Variants in VPS33A observed in about 807,000 individuals in gnomAD.
VPS33A encodes VPS33A core subunit of CORVET and HOPS complexes, also known as vacuolar protein sorting-associated protein 33A.
A neutral mutation model predicts 71.8 loss-of-function variants in VPS33A; 32 were observed. The observed-to-expected ratio is 0.45, with a 90% CI of 0.34 to 0.60. VPS33A has a LOEUF of 0.60. Ranked by LOEUF, VPS33A falls within the 20% of genes least tolerant of loss-of-function variation. The probability of loss-of-function intolerance (pLI) is 0.02; values close to 1 mark genes in which losing one functional copy is unlikely to be tolerated. For missense variants in VPS33A, 625 were observed against 748.5 expected, an observed-to-expected ratio of 0.84 and a Z score of 1.92; for synonymous variants, 311 against 292.7, an observed-to-expected ratio of 1.06 and a Z score of -0.64.
rs146941275 is a variant in VPS33A, at chr12:122,259,143, C to T, written c.483+2118G>A. On this transcript the variant is annotated intron_variant, in intron 4 of 12. Transcript: ENST00000267199. The stretch of plus-strand genomic sequence containing the variant: ...AATGTTAAATGCAGAGTTACCACAA[C>T]TCAGCAATTCTACTCCTAGGGGTGT... Among the ~76,000 whole-genome samples the T allele has an allele frequency of 6.6e-4, 100 of 151,892 alleles. 1 individual carries two copies. Among genetic ancestry groups the T allele is most frequent in the African/African-American group, 2.3e-3 (97 of 41,350 alleles).
Position 122,259,964 on chromosome 12 carries a change from G to A in VPS33A, c.483+1297C>T, listed in dbSNP as rs186254411. Among the ~76,000 whole-genome samples the A allele has an allele frequency of 3.3e-5, 5 of 152,172 alleles. No individual in the cohort carries two copies. The South Asian group carries it at 6.2e-4, about 19-fold the overall frequency. The stretch of plus-strand genomic sequence containing the variant: ...AGGCTGAGGCTGAAAATTCGTTCAA[G>A]CCTAGGAGGTCAAGGCTGCAGTGAG... On this transcript the variant is annotated intron_variant, in intron 4 of 12. Transcript: ENST00000267199.
At chr12:122,237,102 TTAAC>T (rs1185430134) in intron 10 of VPS33A, among the ~76,000 whole-genome samples, 1 of 152,234 alleles carries the variant, frequency 6.6e-6, no homozygotes, top group Non-Finnish European at 1.5e-5. Flanking sequence ...AAAAATGTAC[TTAAC>T]TGTCACTGGT....
In VPS33A at chr12:122,238,684, G is replaced by A. The variant is rs377687330; in HGVS notation, c.1205C>T (p.Ser402Leu). Residue 402 changes from serine (S) to leucine (L), a missense_variant, in exon 10 of 13, where the codon TCG (serine) becomes TTG (leucine). By Grantham distance (145) the Ser-to-Leu change is moderately radical. Transcript: ENST00000267199. ...YIEDCIAQKH[S>L]LIKVLRLVCL... The stretch of plus-strand genomic sequence containing the variant: ...AACTAGTCTTAACACCTTGATCAAC[G>A]AGTGCTTTTGGGCGATACAATCCTC... 60 of 1,613,482 alleles carry A rather than the reference G, an allele frequency of 3.7e-5. No individual in the cohort carries two copies. The highest frequency in any genetic ancestry group is 1.2e-4 in the Admixed American group (7 of 59,872).
Position 122,232,152 on chromosome 12 carries a change from CAT to C in VPS33A, c.*92_*93del, listed in dbSNP as rs768080946. On this transcript the variant is annotated 3_prime_UTR_variant, in exon 13 of 13. Coordinates refer to ENST00000267199, the MANE Select transcript of VPS33A (RefSeq NM_022916.6). ...GACCCCAGAATATATTCTGTATTCC[CAT>C]GTTTCTTCTATGGGGTTTTACTTCC... 119 of 1,198,340 alleles carry C rather than the reference CAT, an allele frequency of 9.9e-5. No homozygotes were observed. Among genetic ancestry groups the C allele is most frequent in the Non-Finnish European group, 1.3e-4 (115 of 854,372 alleles). The allele number at this position is 1,198,340 out of a possible 1,614,324, so 74.2% of individuals were successfully genotyped here. A position where few individuals can be genotyped will look rare whatever the true frequency, so the allele number is the denominator to read the frequency against.
intron 11 of VPS33A, among the ~76,000 whole-genome samples, chr12:122,233,446 G>T (rs909484739): frequency 1.3e-5 from 2 of 152,088 alleles, no homozygotes; most frequent in Non-Finnish European, 2.9e-5. Context: ...GGCTGGTCTT[G>T]AATTTCTGAC....
chr12:122,246,749 G>A (rs949507895), intron 6 of VPS33A, among the ~76,000 whole-genome samples: 3 of 151,776 alleles, frequency 2.0e-5, no homozygotes, highest in Non-Finnish European at 2.9e-5. Context: ...ATAGCCACCC[G>A]CCACCATACC....
At chr12:122,255,054 GAAAAAAAA>G (rs35670853) in intron 4 of VPS33A, among the ~76,000 whole-genome samples, 1 of 129,816 alleles carries the variant, frequency 7.7e-6, no homozygotes, top group Non-Finnish European at 1.7e-5. Context: ...CAGTTTCAAG[GAAAAAAAA>G]AAAAAAAAGA....
intron 11 of VPS33A, among the ~76,000 whole-genome samples, chr12:122,234,184 A>T (rs2136121526): frequency 6.6e-6 from 1 of 152,370 alleles, no homozygotes; most frequent in East Asian, 1.9e-4. Flanking sequence ...AGGATAGATA[A>T]AAAACTGGCC....
In VPS33A at chr12:122,244,673, G is replaced by A. The variant is rs1954754428; in HGVS notation, c.865C>T (p.Leu289=). The part of the protein sequence containing the change: ...DLPTEAKKLQ[L]NSAEELYAEI... ...GCATAGAGCTCCTCTGCAGAATTCA[G>A]CTGCAGCTTCTTTGCTTCCGTGGGG... The change falls in exon 7 of 13, where the codon CTG becomes TTG. Residue 289 remains leucine, a synonymous_variant. Transcript: ENST00000267199. 3 of 1,614,068 alleles carry A rather than the reference G, an allele frequency of 1.9e-6. No homozygotes were observed. The South Asian group carries it at 3.3e-5, about 18-fold the overall frequency.
At chr12:122,240,421 G>A (rs542359888) in intron 8 of VPS33A, among the ~76,000 whole-genome samples, 8 of 152,072 alleles carry the variant, frequency 5.3e-5, no homozygotes, top group South Asian at 2.1e-4. Flanking sequence ...CATGGAAAAC[G>A]CTAGGCCTCT....
In VPS33A at chr12:122,239,965, T is replaced by C. The variant is rs373856196; in HGVS notation, c.1097-20A>G. On this transcript the variant is annotated intron_variant, in intron 8 of 12. Transcript: ENST00000267199. ...CAGAAGCTAAAATGAAATTAGCAAA[T>C]TTGCAACTTAGAAATTAAATGTTAA... 1.3e-6 allele frequency: 2 copies of C among 1,581,588 alleles called. No homozygotes were observed. Among genetic ancestry groups the C allele is most frequent in the South Asian group, 2.2e-5 (2 of 90,212 alleles).
rs74800833 is a variant in VPS33A at position 122,230,166 on chromosome 12, T to A, written c.*2080A>T. 2.6e-5 allele frequency: 4 copies of A among 152,234 alleles called. No homozygotes were observed. The highest frequency in any genetic ancestry group is 3.2e-3 in the Middle Eastern group (1 of 316). 9.4% of individuals were successfully genotyped at this position (152,234 alleles called of 1,614,324 possible). A position where few individuals can be genotyped will look rare whatever the true frequency, so the allele number is the denominator to read the frequency against. On this transcript the variant is annotated 3_prime_UTR_variant, in exon 13 of 13. Transcript: ENST00000267199. ...TACTGAATATCAAGGCCAAATTAAT[T>A]CCATGAGAAACTAATCTTTCAATTA...
rs371640154 is a variant in VPS33A at position 122,266,424 on chromosome 12, C to T, written c.-16G>A. On this transcript the variant is annotated 5_prime_UTR_variant, in exon 1 of 13. Transcript: ENST00000267199. ...GAGCCGCCATCTTGCTCCACCACCC[C>T]CTGCCCCACAACGCCAACCGAGTCC... 5.0e-6 allele frequency: 8 copies of T among 1,604,462 alleles called. No homozygotes were observed. The highest frequency in any genetic ancestry group is 1.1e-5 in the South Asian group (1 of 90,788).
chr12:122,247,278 C>T (rs917486047), intron 6 of VPS33A, among the ~76,000 whole-genome samples: 14 of 151,958 alleles, frequency 9.2e-5, no homozygotes, highest in African/African-American at 2.7e-4. Flanking sequence ...CACATACCTC[C>T]CACCCCTCCT....
intron 10 of VPS33A, among the ~76,000 whole-genome samples, chr12:122,236,312 A>T (rs527584519): frequency 3.5e-4 from 53 of 152,284 alleles, no homozygotes; most frequent in African/African-American, 1.3e-3. Context: ...AAAAAAAAAT[A>T]ACATGTAGAG....
At chr12:122,255,165 GGCT>G (rs1356329385) in intron 4 of VPS33A, among the ~76,000 whole-genome samples, 2 of 151,910 alleles carry the variant, frequency 1.3e-5, no homozygotes, top group Non-Finnish European at 2.9e-5. Context: ...AGTTTGCTTC[GGCT>G]GCTACCAATT....
At chr12:122,242,257 G>T in intron 8 of VPS33A, 125 bp downstream of exon 8, 2 of 1,190,774 alleles carry the variant, frequency 1.7e-6, no homozygotes, top group Non-Finnish European at 2.4e-6. Flanking sequence ...ACACTGAGAA[G>T]AACACGTGGT....
intron 12 of VPS33A, among the ~76,000 whole-genome samples, 171 bp downstream of exon 12, chr12:122,232,629 C>T (rs1366055475): frequency 6.6e-6 from 1 of 152,052 alleles, no homozygotes; most frequent in Non-Finnish European, 1.5e-5. Context: ...AGCTGCTATC[C>T]CTCAGGGAAT....
At chr12:122,258,311 T>C (rs1396040611) in intron 4 of VPS33A, among the ~76,000 whole-genome samples, 1 of 152,082 alleles carries the variant, frequency 6.6e-6, no homozygotes, top group Non-Finnish European at 1.5e-5. Flanking sequence ...TTCTCAGAGA[T>C]GATACTGAAA....
Sources: allele counts gnomAD v4.1 joint callset (sites outside exome capture counted in the v4.1 genomes callset), GRCh38; gene constraint gnomAD v4.1.1; transcripts MANE v1.5; gene names NCBI Gene and HGNC (gene_info 2026-07-23, HGNC 2026-07-21).